RPTOR: variants seen among roughly 807,000 people sequenced by gnomAD.
RPTOR encodes the protein regulatory associated protein of MTOR complex 1.
In RPTOR, 21 loss-of-function variants were observed where a neutral mutation model predicts 169.9. The ratio of observed to expected loss-of-function variants is 0.12; its 90% CI spans 0.09 to 0.18. The LOEUF (loss-of-function observed/expected upper bound fraction) is 0.18, where lower values mean the gene tolerates loss of function less well. Ranked by LOEUF, RPTOR falls within the 10% of genes least tolerant of loss-of-function variation. RPTOR has a pLI of 1.00. For missense variants in RPTOR, 1,133 were observed against 1,855.9 expected, an observed-to-expected ratio of 0.61 and a Z score of 7.16; for synonymous variants, 732 against 753.2, an observed-to-expected ratio of 0.97 and a Z score of 0.46.
Position 80,609,542 on chromosome 17 carries a change from C to G in RPTOR, c.163-16149C>G. Among the ~76,000 whole-genome samples, 1 of 152,078 alleles carries G rather than the reference C, an allele frequency of 6.6e-6. No homozygotes were observed. The highest frequency in any genetic ancestry group is 1.5e-5 in the Non-Finnish European group (1 of 68,008). On this transcript the variant is annotated intron_variant, in intron 1 of 33. Transcript: ENST00000306801. The surrounding 1 kb of genome is among the most constrained non-coding windows in gnomAD (Gnocchi z 4.8). The stretch of plus-strand genomic sequence containing the variant: ...GGGCAGATTATTTGAAGTCATAGTT[C>G]GAGACCAGCCTGGCCAACATGGTGA...
Position 80,823,430 on chromosome 17 carries a change from G to T in RPTOR, c.1136+207G>T. 1.0e-5 allele frequency: 6 copies of T among 597,670 alleles called. No individual in the cohort carries two copies. Among genetic ancestry groups the T allele is most frequent in the Non-Finnish European group, 1.7e-5 (6 of 361,442 alleles). The allele number at this position is 597,670 out of a possible 1,614,324, so 37.0% of individuals were successfully genotyped here. ...TCCTTCAGAGGGCAGAAGCCTTGGA[G>T]GGCCTTTTAGGACTGCACGGGAGCA... is the stretch of plus-strand genomic sequence containing the variant. On this transcript the variant is annotated intron_variant, in intron 9 of 33. Coordinates refer to ENST00000306801, the MANE Select transcript of RPTOR (RefSeq NM_020761.3). This position sits in a 1 kb window ranked among gnomAD's most constrained non-coding sequence, Gnocchi z 4.5.
chr17:80,953,084 C>T (rs1329215549), intron 28 of RPTOR, among the ~76,000 whole-genome samples: 5 of 151,980 alleles, frequency 3.3e-5, no homozygotes, highest in Non-Finnish European at 7.4e-5. Context: ...AGGATGGTCT[C>T]GATCTCCTGA....
chr17:80,653,681 G>A lies in RPTOR; in HGVS notation c.348+9871G>A, dbSNP rs866251530. On this transcript the variant is annotated intron_variant, in intron 3 of 33. Coordinates refer to ENST00000306801, the MANE Select transcript of RPTOR (RefSeq NM_020761.3). ...TCCACACCAGTGCCCGGTCTCCGCC[G>A]TGCTGCGGCCCTGTGGGTCTCTGCT... is the stretch of plus-strand genomic sequence containing the variant. Among the ~76,000 whole-genome samples the A allele has an allele frequency of 1.3e-4, 20 of 152,360 alleles. No homozygotes were observed. The Middle Eastern group carries it at 0.017, about 130-fold the overall frequency.
chr17:80,948,854 C>A (rs557918836), intron 27 of RPTOR, among the ~76,000 whole-genome samples: 1 of 152,278 alleles, frequency 6.6e-6, no homozygotes, highest in Non-Finnish European at 1.5e-5. Flanking sequence ...AGGGCCGTTT[C>A]CTCCATTCTA....
rs545817464 is a variant in RPTOR at position 80,907,728 on chromosome 17, C to T, written c.2402-1083C>T. Reference sequence around the variant, plus strand: ...CTTCCGTCAGGTATCCCCCAAGGCTCCGCGTCCCCATCACCTCCGTGTTTT... The same window carrying T: ...CTTCCGTCAGGTATCCCCCAAGGCTTCGCGTCCCCATCACCTCCGTGTTTT... On this transcript the variant is annotated intron_variant, in intron 20 of 33. Coordinates refer to ENST00000306801, the MANE Select transcript of RPTOR (RefSeq NM_020761.3). Among the ~76,000 whole-genome samples the T allele has an allele frequency of 1.1e-4, 16 of 152,350 alleles. No homozygotes were observed. The East Asian group carries it at 2.9e-3, about 28-fold the overall frequency.
chr17:80,770,249 G>C (rs1416029789), intron 6 of RPTOR, among the ~76,000 whole-genome samples: 1 of 152,210 alleles, frequency 6.6e-6, no homozygotes, highest in Admixed American at 6.5e-5. Context: ...TCCCACTCAG[G>C]ATGGCGGAGC....
At chr17:80,734,241 G>A (rs1191978323) in intron 5 of RPTOR, among the ~76,000 whole-genome samples, 1 of 152,132 alleles carries the variant, frequency 6.6e-6, no homozygotes, top group African/African-American at 2.4e-5. Flanking sequence ...CAAGGAGAGC[G>A]GAGAGCACAG....
chr17:80,869,495 T>C (rs2068029061), intron 13 of RPTOR, among the ~76,000 whole-genome samples: 1 of 152,038 alleles, frequency 6.6e-6, no homozygotes, highest in Non-Finnish European at 1.5e-5. Flanking sequence ...CCCCCAAAAA[T>C]GTGGGGGGAT....
At chr17:80,597,385 C>T (rs1038192224) in intron 1 of RPTOR, among the ~76,000 whole-genome samples, 2 of 152,174 alleles carry the variant, frequency 1.3e-5, no homozygotes, top group African/African-American at 4.8e-5. Flanking sequence ...ACTAACTTGA[C>T]TCAAATTACT....
intron 3 of RPTOR, among the ~76,000 whole-genome samples, chr17:80,653,633 C>CT (rs2065657446): frequency 6.6e-6 from 1 of 152,186 alleles, no homozygotes. Context: ...GGACTGGGAG[C>CT]TTGGCAGGAG....
At chr17:80,852,684 C>G (rs913071729) in intron 11 of RPTOR, among the ~76,000 whole-genome samples, 1 of 152,116 alleles carries the variant, frequency 6.6e-6, no homozygotes, top group Non-Finnish European at 1.5e-5. Flanking sequence ...GGCTAGCCAC[C>G]TCCTCTTGCT....
chr17:80,565,424 G>A (rs1325313054), intron 1 of RPTOR, among the ~76,000 whole-genome samples: 1 of 152,210 alleles, frequency 6.6e-6, no homozygotes, highest in East Asian at 1.9e-4. Flanking sequence ...GGTGTAGGAG[G>A]AGCAAGGTGG....
intron 13 of RPTOR, among the ~76,000 whole-genome samples, chr17:80,866,827 A>G (rs951167023): frequency 1.3e-5 from 2 of 152,020 alleles, no homozygotes; most frequent in Non-Finnish European, 2.9e-5. Context: ...CGATGCTTCC[A>G]CCTTGGCCTC....
At chr17:80,865,826 C>T (rs906474685) in intron 13 of RPTOR, among the ~76,000 whole-genome samples, 10 of 151,974 alleles carry the variant, frequency 6.6e-5, no homozygotes, top group African/African-American at 1.7e-4. Context: ...TTATAGAACA[C>T]GCCACACAGC....
At chr17:80,586,965 G>A (rs2065065910) in intron 1 of RPTOR, among the ~76,000 whole-genome samples, 1 of 152,238 alleles carries the variant, frequency 6.6e-6, no homozygotes. Context: ...CGCGTCTGCC[G>A]GATGAACACA....
Position 80,651,073 on chromosome 17 carries a change from G to A in RPTOR, c.348+7263G>A, listed in dbSNP as rs1218531068. ...TGGGGACTAAAACTGTAGCTCAGCT[G>A]TTGTCGTTTCACAGATCTCACGTGC... On this transcript the variant is annotated intron_variant, in intron 3 of 33. Transcript: ENST00000306801. The surrounding 1 kb of genome is among the most constrained non-coding windows in gnomAD (Gnocchi z 4.1). 2.0e-5 allele frequency among the ~76,000 whole-genome samples: 3 copies of A among 152,190 alleles called. No homozygotes were observed. Among genetic ancestry groups the A allele is most frequent in the Non-Finnish European group, 4.4e-5 (3 of 68,042 alleles).
intron 28 of RPTOR, among the ~76,000 whole-genome samples, chr17:80,954,400 G>A (rs2069222117): frequency 6.6e-6 from 1 of 152,190 alleles, no homozygotes; most frequent in African/African-American, 2.4e-5. Flanking sequence ...GGGATTACAG[G>A]CGTGAGCCAC....
chr17:80,666,002 G>A (rs1225881915), intron 3 of RPTOR, among the ~76,000 whole-genome samples: 3 of 152,174 alleles, frequency 2.0e-5, no homozygotes, highest in African/African-American at 7.2e-5. Flanking sequence ...CGTCTGTTGT[G>A]AAATGTTTAC....
At chr17:80,900,156 G>C (rs898980892) in intron 20 of RPTOR, among the ~76,000 whole-genome samples, 1 of 151,944 alleles carries the variant, frequency 6.6e-6, no homozygotes, top group Non-Finnish European at 1.5e-5. Flanking sequence ...GCCAGGAGTC[G>C]GGGACTCCTC....
Sources: gnomAD v4.1 joint callset for allele counts (sites outside exome capture counted in the v4.1 genomes callset) on GRCh38, gnomAD v4.1.1 for gene constraint, Gnocchi (gnomAD v3.1) non-coding constraint, MANE v1.5 for transcripts, NCBI Gene and HGNC (gene_info 2026-07-23, HGNC 2026-07-21) for gene names.